DLGAP1: variants seen among roughly 807,000 people sequenced by gnomAD.
DLGAP1 encodes disks large-associated protein 1.
A neutral mutation model predicts 90.8 loss-of-function variants in DLGAP1; 11 were observed. That is an observed-to-expected ratio of 0.12 (90% confidence interval 0.08 to 0.20). The LOEUF is 0.20. Ranked by LOEUF, DLGAP1 falls within the 10% of genes least tolerant of loss-of-function variation. The pLI, the probability that DLGAP1 is intolerant of heterozygous loss-of-function variation, is 1.00. For synonymous variants in DLGAP1, 558 were observed against 540.7 expected (o/e 1.03, Z -0.44); for missense variants, 1,050 against 1,333.8 (o/e 0.79, Z 3.31).
chr18:3,676,469 G>C (rs1328803438), intron 7 of DLGAP1, among the ~76,000 whole-genome samples: 1 of 152,014 alleles, frequency 6.6e-6, no homozygotes, highest in South Asian at 2.1e-4. Context: ...AACTCCTCAT[G>C]AGTGTCCATG....
chr18:4,361,338 A>G (rs2081626226), intron 1 of DLGAP1, among the ~76,000 whole-genome samples: 1 of 152,166 alleles, frequency 6.6e-6, no homozygotes, highest in South Asian at 2.1e-4. Flanking sequence ...TGGAGAACTC[A>G]TATTTCCTGA....
chr18:3,907,531 G>A (rs1190423145), intron 3 of DLGAP1, among the ~76,000 whole-genome samples: 1 of 152,204 alleles, frequency 6.6e-6, no homozygotes, highest in Non-Finnish European at 1.5e-5. Context: ...CTCCAGTGTA[G>A]GCTTGATTCA....
chr18:4,230,481 C>A (rs1401002712), intron 1 of DLGAP1, among the ~76,000 whole-genome samples: 2 of 151,914 alleles, frequency 1.3e-5, no homozygotes, highest in Non-Finnish European at 2.9e-5. Context: ...TCATTTGCAA[C>A]AACATAGATG....
At chr18:4,279,960 G>C (rs920652065) in intron 1 of DLGAP1, among the ~76,000 whole-genome samples, 1 of 152,076 alleles carries the variant, frequency 6.6e-6, no homozygotes, top group African/African-American at 2.4e-5. Flanking sequence ...TTAAATCATA[G>C]TGTACCCAAT....
intron 7 of DLGAP1, among the ~76,000 whole-genome samples, chr18:3,582,632 G>A (rs1441922227): frequency 6.6e-6 from 1 of 152,082 alleles, no homozygotes; most frequent in African/African-American, 2.4e-5. Flanking sequence ...ACTAAATATA[G>A]CTAATATTAA....
chr18:4,069,782 C>G (rs915971609), intron 2 of DLGAP1, among the ~76,000 whole-genome samples: 1 of 152,208 alleles, frequency 6.6e-6, no homozygotes, highest in Admixed American at 6.5e-5. Flanking sequence ...TATTTCTTCA[C>G]AGCAATGTGA....
In DLGAP1 at chr18:4,139,487, T is replaced by C. The variant is rs144115210; in HGVS notation, c.-159+11693A>G. On this transcript the variant is annotated intron_variant, in intron 2 of 12. Transcript: ENST00000315677. The stretch of plus-strand genomic sequence containing the variant: ...GCAACTGTGGTGAGAGGATACTTGA[T>C]ATAATTTCAATTTTCTTGATGTTTT... Among the ~76,000 whole-genome samples the C allele has an allele frequency of 2.5e-3, 377 of 152,164 alleles. 2 individuals are homozygous for C. Among genetic ancestry groups the C allele is most frequent in the Non-Finnish European group, 4.3e-3 (289 of 67,886 alleles).
chr18:3,609,616 T>C (rs1180718211), intron 7 of DLGAP1, among the ~76,000 whole-genome samples: 2 of 152,182 alleles, frequency 1.3e-5, no homozygotes, highest in Admixed American at 6.5e-5. Flanking sequence ...TAACAGCACC[T>C]ATCTCATAGT....
At chr18:4,343,306 C>CAA (rs57366946) in intron 1 of DLGAP1, among the ~76,000 whole-genome samples, 25,835 of 104,818 alleles carry the variant, frequency 0.25, 2,989 homozygotes, top group East Asian at 0.43. Flanking sequence ...CACTCCTTCT[C>CAA]AAAAAAAAAA....
intron 6 of DLGAP1, among the ~76,000 whole-genome samples, chr18:3,731,247 C>G (rs1464395150): frequency 6.6e-6 from 1 of 151,970 alleles, no homozygotes; most frequent in East Asian, 1.9e-4. Context: ...ACATGCCAAA[C>G]TTTACAAAGA....
intron 1 of DLGAP1, among the ~76,000 whole-genome samples, chr18:4,328,419 TATTCCATGA>T (rs1275847143): frequency 4.6e-5 from 7 of 152,052 alleles, no homozygotes; most frequent in Non-Finnish European, 1.0e-4. Flanking sequence ...ATTGTATCTG[TATTCCATGA>T]TTTGCTTGCC....
intron 1 of DLGAP1, among the ~76,000 whole-genome samples, chr18:4,426,747 A>G (rs1441104796): frequency 6.6e-6 from 1 of 152,236 alleles, no homozygotes; most frequent in East Asian, 1.9e-4. Flanking sequence ...AGCAAATGCT[A>G]GATATTATTA....
chr18:3,741,121 TCACCAC>T (rs200693482), intron 6 of DLGAP1, among the ~76,000 whole-genome samples: 4 of 49,858 alleles, frequency 8.0e-5, no homozygotes, highest in Admixed American at 2.3e-4. Flanking sequence ...ACCACCACCA[TCACCAC>T]CACCACCACA....
chr18:3,580,317 A>G, intron 8 of DLGAP1: 1 of 1,613,916 alleles, frequency 6.2e-7, no homozygotes. Context: ...AAAAGGCACA[A>G]GTCCCTTTTT....
intron 7 of DLGAP1, among the ~76,000 whole-genome samples, chr18:3,600,701 TCTATAGCTATATAG>T (rs2056852021): frequency 1.6e-5 from 2 of 125,688 alleles, no homozygotes; most frequent in East Asian, 2.1e-4. Context: ...TATATAGATA[TCTATAGCTATATAG>T]ATATAGAGAT....
At chr18:3,863,396 T>A (rs535205765) in intron 4 of DLGAP1, among the ~76,000 whole-genome samples, 1 of 152,328 alleles carries the variant, frequency 6.6e-6, no homozygotes, top group Admixed American at 6.5e-5. Context: ...GATGCCTTTG[T>A]TAGAAAAATC....
intron 5 of DLGAP1, among the ~76,000 whole-genome samples, chr18:3,794,736 TA>T (rs1474406845): frequency 2.7e-4 from 41 of 152,368 alleles, no homozygotes; most frequent in African/African-American, 9.9e-4. Context: ...AAATGTCACC[TA>T]ATTATCAAGG....
intron 6 of DLGAP1, 126 bp downstream of exon 6, chr18:3,742,209 C>A (rs1351292710): frequency 1.7e-6 from 2 of 1,206,350 alleles, no homozygotes; most frequent in Non-Finnish European, 2.3e-6. Flanking sequence ...CTTGACTGGA[C>A]CTCCTGTCTG....
At chr18:3,883,838 A>G (rs2071242293) in intron 3 of DLGAP1, among the ~76,000 whole-genome samples, 1 of 152,160 alleles carries the variant, frequency 6.6e-6, no homozygotes, top group African/African-American at 2.4e-5. Flanking sequence ...TCTGACCTAT[A>G]TACCTTTGAC....
Sources: allele counts gnomAD v4.1 joint callset (sites outside exome capture counted in the v4.1 genomes callset), GRCh38; gene constraint gnomAD v4.1.1; transcripts MANE v1.5; gene names NCBI Gene and HGNC (gene_info 2026-07-23, HGNC 2026-07-21).